The following KCNH8 variants were observed in gnomAD, a reference collection of about 807,000 sequenced individuals.
The protein encoded by KCNH8 is voltage-gated delayed rectifier potassium channel KCNH8.
KCNH8 carries 70 observed loss-of-function variants against 103.6 expected under a neutral mutation model. That is an observed-to-expected ratio of 0.68 (90% confidence interval 0.56 to 0.82). The LOEUF is 0.82. KCNH8 is among the 40% of genes least tolerant of loss of function. The pLI is 0.00. For synonymous variants in KCNH8, 498 were observed against 489.4 expected (o/e 1.02, Z -0.23); for missense variants, 1,217 against 1,329.9 (o/e 0.92, Z 1.32).
intron 2 of KCNH8, among the ~76,000 whole-genome samples, chr3:19,275,664 G>T (rs912782727): frequency 1.3e-5 from 2 of 152,098 alleles, no homozygotes; most frequent in Admixed American, 1.3e-4. Flanking sequence ...CATCAGGAAG[G>T]GCTGGTGACG....
intron 1 of KCNH8, among the ~76,000 whole-genome samples, chr3:19,156,852 T>C (rs2125182804): frequency 6.6e-6 from 1 of 152,244 alleles, no homozygotes; most frequent in Admixed American, 6.5e-5. Context: ...GAATATATTT[T>C]CCAGTGTCAG....
intron 5 of KCNH8, among the ~76,000 whole-genome samples, chr3:19,350,190 A>T (rs530660564): frequency 6.6e-6 from 1 of 152,262 alleles, no homozygotes; most frequent in East Asian, 1.9e-4. Context: ...ATTCTATAAA[A>T]TATTTCAAAA....
chr3:19,517,063 C>G (rs1484680391), intron 14 of KCNH8, among the ~76,000 whole-genome samples: 1 of 151,984 alleles, frequency 6.6e-6, no homozygotes, highest in Non-Finnish European at 1.5e-5. Flanking sequence ...CCTCCTGTCT[C>G]AACCTCACAA....
rs76785684 is a variant in KCNH8 at position 19,162,757 on chromosome 3, A to G, written c.76+13962A>G. Among the ~76,000 whole-genome samples the G allele has an allele frequency of 3.9e-3, 594 of 152,284 alleles. 11 individuals are homozygous for G. The highest frequency in any genetic ancestry group is 0.028 in the Admixed American group (421 of 15,302). The stretch of plus-strand genomic sequence containing the variant: ...ACAAAGAATCATATGGACACCTATT[A>G]TGATAAATTTTTATATTACAAAAAT... On this transcript the variant is annotated intron_variant, in intron 1 of 15. Coordinates refer to ENST00000328405, the MANE Select transcript of KCNH8 (RefSeq NM_144633.3).
At chr3:19,526,025 A>G (rs1470855969) in intron 15 of KCNH8, among the ~76,000 whole-genome samples, 1 of 151,940 alleles carries the variant, frequency 6.6e-6, no homozygotes, top group East Asian at 1.9e-4. Flanking sequence ...AGTTTGTTTG[A>G]ACATGTCTGA....
intron 1 of KCNH8, among the ~76,000 whole-genome samples, chr3:19,201,259 A>AAAAAG (rs1559419898): frequency 6.9e-6 from 1 of 145,500 alleles, no homozygotes; most frequent in East Asian, 2.0e-4. Flanking sequence ...AAAAAAAAAA[A>AAAAAG]AAAGAAAAGA....
At chr3:19,219,673 G>A (rs181649423) in intron 1 of KCNH8, among the ~76,000 whole-genome samples, 1 of 152,294 alleles carries the variant, frequency 6.6e-6, no homozygotes, top group Admixed American at 6.5e-5. Flanking sequence ...TCTTCATGAT[G>A]ACTGCAAATT....
intron 1 of KCNH8, among the ~76,000 whole-genome samples, chr3:19,239,990 G>T (rs982943784): frequency 6.6e-6 from 1 of 151,986 alleles, no homozygotes; most frequent in Non-Finnish European, 1.5e-5. Context: ...CCCAGTGTTC[G>T]TGGACTCAAA....
At chr3:19,295,502 G>A (rs149865823) in intron 3 of KCNH8, among the ~76,000 whole-genome samples, 5 of 152,072 alleles carry the variant, frequency 3.3e-5, no homozygotes, top group Non-Finnish European at 7.4e-5. Context: ...GATGATGTTC[G>A]CTATATCCAG....
Position 19,518,013 on chromosome 3 carries a change from C to G in KCNH8, c.2558C>G (p.Ala853Gly), listed in dbSNP as rs751117367. Residue 853 changes from alanine to glycine, a missense_variant, in exon 15 of 16, where the codon GCT (alanine) becomes GGT (glycine). By Grantham distance (60) the Ala-to-Gly change is moderately conservative. This residue lies in a region of KCNH8 where 558 missense variants were observed against 495.8 expected (regional missense o/e 1.13). Coordinates refer to ENST00000328405, the MANE Select transcript of KCNH8 (RefSeq NM_144633.3). The part of the protein sequence containing the change: ...SPPLGDPEIG[A>G]AVLFIKAEET... The stretch of plus-strand genomic sequence containing the variant: ...CACTTTTCAGATCCAGAGATTGGAG[C>G]TGCTGTTCTCTTCATCAAAGCAGAG... 2.5e-6 allele frequency: 4 copies of G among 1,612,054 alleles called. No individual in the cohort carries two copies. The highest frequency in any genetic ancestry group is 1.1e-5 in the South Asian group (1 of 91,044).
At chr3:19,156,164 C>G (rs1417939025) in intron 1 of KCNH8, among the ~76,000 whole-genome samples, 4 of 152,140 alleles carry the variant, frequency 2.6e-5, no homozygotes, top group African/African-American at 9.7e-5. Flanking sequence ...ATAATAGTGT[C>G]TATCATCTTG....
At position 19,394,473 on chromosome 3, in the gene KCNH8, C is replaced by T. The variant is rs147471703; in HGVS notation, c.970-631C>T. ...AATTCCCTAAGCATGTCTGAGAGAG[C>T]GCTGAGAGAGAGAAAGAGAGAGAGA... is the stretch of plus-strand genomic sequence containing the variant. On this transcript the variant is annotated intron_variant, in intron 6 of 15. Transcript: ENST00000328405. Among the ~76,000 whole-genome samples the T allele has an allele frequency of 3.1e-3, 459 of 148,972 alleles. 4 individuals carry two copies. Among genetic ancestry groups the T allele is most frequent in the African/African-American group, 9.9e-3 (409 of 41,106 alleles).
chr3:19,257,993 A>AT (rs2064368245), intron 2 of KCNH8, among the ~76,000 whole-genome samples: 1 of 151,948 alleles, frequency 6.6e-6, no homozygotes, highest in South Asian at 2.1e-4. Context: ...ATCTTTACAT[A>AT]TAGGTCTCCC....
intron 1 of KCNH8, among the ~76,000 whole-genome samples, chr3:19,210,493 G>A (rs2063759597): frequency 6.6e-6 from 1 of 151,992 alleles, no homozygotes; most frequent in African/African-American, 2.4e-5. Context: ...CATTTGAAGT[G>A]TAAGATGTAA....
chr3:19,316,061 A>AT (rs1468004328), intron 3 of KCNH8, among the ~76,000 whole-genome samples: 22 of 152,032 alleles, frequency 1.4e-4, no homozygotes, highest in African/African-American at 5.3e-4. Flanking sequence ...TCATGTATTA[A>AT]TTTCAAGTCA....
At chr3:19,440,633 C>G (rs185001418) in intron 8 of KCNH8, among the ~76,000 whole-genome samples, 1 of 152,230 alleles carries the variant, frequency 6.6e-6, no homozygotes, top group Admixed American at 6.5e-5. Flanking sequence ...CCCCACAACA[C>G]GTGGGGATTA....
intron 2 of KCNH8, among the ~76,000 whole-genome samples, chr3:19,271,738 T>C (rs1294353983): frequency 2.0e-5 from 3 of 152,160 alleles, no homozygotes; most frequent in Non-Finnish European, 4.4e-5. Flanking sequence ...AAATTATACC[T>C]GAGAATATTC....
At chr3:19,520,038 C>CAAAATATCTTCCCA (rs2068945155) in intron 15 of KCNH8, among the ~76,000 whole-genome samples, 1 of 150,262 alleles carries the variant, frequency 6.7e-6, no homozygotes, top group Non-Finnish European at 1.5e-5. Context: ...ATTTTAAAAA[C>CAAAATATCTTCCCA]AAAATATCTT....
At chr3:19,352,012 C>CAA (rs1205614676) in intron 5 of KCNH8, among the ~76,000 whole-genome samples, 1 of 151,880 alleles carries the variant, frequency 6.6e-6, no homozygotes, top group East Asian at 1.9e-4. Flanking sequence ...CAGAGACACA[C>CAA]ATAGACTCAA....
Sources: gnomAD v4.1 joint callset for allele counts (sites outside exome capture counted in the v4.1 genomes callset) on GRCh38, gnomAD v4.1.1 for gene constraint, gnomAD v4.1.1 regional missense constraint, MANE v1.5 for transcripts, NCBI Gene and HGNC (gene_info 2026-07-23, HGNC 2026-07-21) for gene names.